The following UCHL3 variants were observed in gnomAD, a reference collection of about 807,000 sequenced individuals.
UCHL3 encodes ubiquitin carboxyl-terminal hydrolase isozyme L3.
Under a neutral mutation model 35.8 loss-of-function variants are expected in UCHL3, and 22 were observed. The observed-to-expected ratio is 0.61, with a 90% CI of 0.44 to 0.88. The LOEUF (loss-of-function observed/expected upper bound fraction) is 0.88, where lower values mean the gene tolerates loss of function less well. Ranked by LOEUF, UCHL3 falls within the 40% of genes least tolerant of loss-of-function variation. The pLI, the probability that UCHL3 is intolerant of heterozygous loss-of-function variation, is 0.00. For synonymous variants in UCHL3, 90 were observed against 92.8 expected, an observed-to-expected ratio of 0.97 and a Z score of 0.17; for missense variants, 229 against 276.9, an observed-to-expected ratio of 0.83 and a Z score of 1.23.
intron 7 of UCHL3, among the ~76,000 whole-genome samples, chr13:75,603,912 A>G (rs2057796040): frequency 6.6e-6 from 1 of 152,146 alleles, no homozygotes; most frequent in Non-Finnish European, 1.5e-5. Flanking sequence ...AAAAATAGGA[A>G]TCACAAATTC....
intron 2 of UCHL3, among the ~76,000 whole-genome samples, chr13:75,552,657 G>T (rs1405445629): frequency 6.6e-6 from 1 of 152,154 alleles, no homozygotes. Context: ...AGAATAAAAT[G>T]AGTTAAGTGA....
chr13:75,558,954 T>C (rs930432429), intron 2 of UCHL3, among the ~76,000 whole-genome samples: 1 of 151,876 alleles, frequency 6.6e-6, no homozygotes, highest in African/African-American at 2.4e-5. Context: ...TCGAAGTGCT[T>C]TAGTGAACTA....
intron 6 of UCHL3, among the ~76,000 whole-genome samples, chr13:75,575,665 A>T (rs983580552): frequency 2.0e-5 from 3 of 151,512 alleles, no homozygotes; most frequent in Admixed American, 2.0e-4. Flanking sequence ...GTAGAGCTGG[A>T]ATTTGAGCTG....
chr13:75,578,483 G>A (rs1430647104), intron 6 of UCHL3, among the ~76,000 whole-genome samples: 1 of 152,088 alleles, frequency 6.6e-6, no homozygotes, highest in Non-Finnish European at 1.5e-5. Flanking sequence ...ACTAGGCACT[G>A]TGCTTATAAT....
chr13:75,581,554 C>T (rs999214880), intron 6 of UCHL3, among the ~76,000 whole-genome samples: 26 of 148,670 alleles, frequency 1.7e-4, no homozygotes, highest in African/African-American at 6.5e-4. Flanking sequence ...GGTGGGGTCT[C>T]CCTATGTTAC....
intron 7 of UCHL3, among the ~76,000 whole-genome samples, chr13:75,603,822 C>T (rs9600502): frequency 0.024 from 3,586 of 151,904 alleles, 156 homozygotes; most frequent in African/African-American, 0.081. Flanking sequence ...TTCTTAGAAA[C>T]TTTAGGAATT....
chr13:75,580,356 GAATT>G (rs2032144999), intron 6 of UCHL3, among the ~76,000 whole-genome samples: 1 of 152,120 alleles, frequency 6.6e-6, no homozygotes, highest in African/African-American at 2.4e-5. Flanking sequence ...AATCCATTTA[GAATT>G]AATTTATAAT....
At chr13:75,577,785 T>C (rs1235059433) in intron 6 of UCHL3, among the ~76,000 whole-genome samples, 1 of 152,090 alleles carries the variant, frequency 6.6e-6, no homozygotes, top group African/African-American at 2.4e-5. Context: ...GAAAGAAAAA[T>C]CCAAAAGGGT....
chr13:75,592,454 A>ATATATATATG (rs2032531231), intron 6 of UCHL3, among the ~76,000 whole-genome samples: 2 of 118,830 alleles, frequency 1.7e-5, no homozygotes, highest in African/African-American at 6.2e-5. Flanking sequence ...ATATATATAT[A>ATATATATATG]TATATATATA....
chr13:75,579,144 T>C (rs992854307), intron 6 of UCHL3, among the ~76,000 whole-genome samples: 2 of 152,152 alleles, frequency 1.3e-5, no homozygotes, highest in Non-Finnish European at 2.9e-5. Context: ...TTTCCCTCCT[T>C]TTGGAATTTA....
chr13:75,600,740 A>T (rs935961699), intron 7 of UCHL3, among the ~76,000 whole-genome samples: 3 of 152,262 alleles, frequency 2.0e-5, no homozygotes, highest in South Asian at 4.1e-4. Flanking sequence ...CTAACACAGC[A>T]TCCATTCTGC....
chr13:75,597,269 C>T (rs1593765672), intron 7 of UCHL3, among the ~76,000 whole-genome samples: 4 of 152,166 alleles, frequency 2.6e-5, no homozygotes, highest in East Asian at 1.9e-4. Context: ...AGCTGAAGCA[C>T]GATTGCCTGA....
chr13:75,562,695 G>A (rs1359192787), intron 3 of UCHL3, among the ~76,000 whole-genome samples: 1 of 152,142 alleles, frequency 6.6e-6, no homozygotes, highest in Non-Finnish European at 1.5e-5. Context: ...TGAGTCATCA[G>A]CATTAAAAAG....
At chr13:75,595,570 C>T (rs1308179012) in intron 7 of UCHL3, among the ~76,000 whole-genome samples, 4 of 111,766 alleles carry the variant, frequency 3.6e-5, no homozygotes, top group Admixed American at 2.8e-4. Flanking sequence ...GTACTCCAGC[C>T]GGGGCAACAG....
chr13:75,592,781 A>G (rs1478845121), intron 6 of UCHL3, among the ~76,000 whole-genome samples: 1 of 151,894 alleles, frequency 6.6e-6, no homozygotes, highest in Non-Finnish European at 1.5e-5. Flanking sequence ...TATTTTTAGT[A>G]TGCACTTTTA....
At chr13:75,589,009 G>A (rs1399466850) in intron 6 of UCHL3, among the ~76,000 whole-genome samples, 1 of 152,086 alleles carries the variant, frequency 6.6e-6, no homozygotes, top group African/African-American at 2.4e-5. Flanking sequence ...TGTTTGAAAA[G>A]GTGTTCCCAA....
intron 4 of UCHL3, 119 bp downstream of exon 4, chr13:75,566,970 TTGA>T: frequency 1.7e-6 from 2 of 1,162,188 alleles, no homozygotes; most frequent in South Asian, 3.2e-5. Flanking sequence ...CCCTGCTTCC[TTGA>T]TGATGGGAAT....
intron 5 of UCHL3, among the ~76,000 whole-genome samples, chr13:75,568,965 A>G (rs1312463746): frequency 6.6e-6 from 1 of 152,156 alleles, no homozygotes; most frequent in Non-Finnish European, 1.5e-5. Flanking sequence ...AGTTCAGGAA[A>G]CTAAATTCTG....
Position 75,592,448 on chromosome 13 carries a change from A to ACATATATATATATGTATATATG in UCHL3, c.475-2467_475-2466insCATATATATATATGTATATATG, listed in dbSNP as rs74201049. Among the ~76,000 whole-genome samples, 9 of 116,644 alleles carry ACATATATATATATGTATATATG rather than the reference A, an allele frequency of 7.7e-5. 1 individual carries two copies. The East Asian group carries it at 1.7e-3, about 22-fold the overall frequency. 76.5% of individuals were successfully genotyped at this position (116,644 alleles called of 152,430 possible). ...TATATATATATATATATATATATAT[A>ACATATATATATATGTATATATG]TATATATATATATATATATGAAGGA... is the stretch of plus-strand genomic sequence containing the variant. On this transcript the variant is annotated intron_variant, in intron 6 of 8. Coordinates refer to ENST00000377595, the MANE Select transcript of UCHL3 (RefSeq NM_006002.5).
Sources: gnomAD v4.1 joint callset for allele counts (sites outside exome capture counted in the v4.1 genomes callset) on GRCh38, gnomAD v4.1.1 for gene constraint, MANE v1.5 for transcripts, NCBI Gene and HGNC (gene_info 2026-07-23, HGNC 2026-07-21) for gene names.